Variants in CYSLTR1 observed in about 807,000 individuals in gnomAD.
The protein encoded by CYSLTR1 is G-protein coupled receptor HG55.
CYSLTR1 carries 1 observed loss-of-function variant against 2.1 expected under a neutral mutation model. That is an observed-to-expected ratio of 0.48 (90% CI 0.17 to 2.28). The LOEUF is 2.28. CYSLTR1 is among the 30% of genes most tolerant of loss of function. The probability of loss-of-function intolerance (pLI) is 0.26; values close to 1 mark genes in which losing one functional copy is unlikely to be tolerated. For synonymous variants in CYSLTR1, 110 were observed against 89.6 expected (o/e 1.23, Z -1.28); for missense variants, 299 against 250.1 (o/e 1.20, Z -1.32).
chrX:78,273,292 A>C lies in CYSLTR1; in HGVS notation c.455T>G (p.Ile152Ser). Residue 152 changes from isoleucine (I) to serine (S), a missense_variant, in exon 3 of 3, where the codon ATT (isoleucine) becomes AGT (serine). Ile to Ser is a moderately radical substitution (Grantham distance 142). Coordinates refer to ENST00000373304, the MANE Select transcript of CYSLTR1 (RefSeq NM_006639.4). ...FVCVGIWIFV[I>S]LTSSPFLMAK... ...CATTAGAAATGGAGAACTGGTCAAA[A>C]TCACAAAAATCCAAATACCTACACA... 8.3e-7 allele frequency: 1 copy of C among 1,210,161 alleles called. No individual in the cohort carries two copies. The highest frequency in any genetic ancestry group is 1.1e-6 in the Non-Finnish European group (1 of 894,530).
intron 1 of CYSLTR1, among the ~76,000 whole-genome samples, chrX:78,302,727 G>A (rs1922870526): frequency 9.0e-6 from 1 of 110,893 alleles, no homozygotes; most frequent in Non-Finnish European, 1.9e-5. Context: ...ACTGGGATCT[G>A]GAAAAGGGCC....
intron 1 of CYSLTR1, among the ~76,000 whole-genome samples, chrX:78,294,770 C>T (rs768053015): frequency 3.5e-5 from 4 of 112,782 alleles, no homozygotes; most frequent in Non-Finnish European, 7.5e-5. Flanking sequence ...GCTCTGTGTG[C>T]GTGTGACCTG....
At chrX:78,322,703 C>T (rs1240095384) in intron 1 of CYSLTR1, among the ~76,000 whole-genome samples, 4 of 112,107 alleles carry the variant, frequency 3.6e-5, no homozygotes, top group Non-Finnish European at 7.5e-5. Context: ...CAGGGATGTG[C>T]TGCTCACAGG....
At chrX:78,316,977 A>C (rs1425597685) in intron 1 of CYSLTR1, among the ~76,000 whole-genome samples, 1 of 112,272 alleles carries the variant, frequency 8.9e-6, no homozygotes, top group African/African-American at 3.2e-5. Flanking sequence ...AACAACAATA[A>C]ATAGATGAGA....
chrX:78,287,402 C>T (rs1028154607), intron 1 of CYSLTR1, among the ~76,000 whole-genome samples: 1 of 111,554 alleles, frequency 9.0e-6, no homozygotes, highest in Non-Finnish European at 1.9e-5. Flanking sequence ...CCTGAATCCA[C>T]ACGTGGGAGC....
chrX:78,278,183 T>C (rs1296191317), intron 2 of CYSLTR1, among the ~76,000 whole-genome samples: 1 of 111,332 alleles, frequency 9.0e-6, no homozygotes, highest in Non-Finnish European at 1.9e-5. Flanking sequence ...ATCTCAGAGC[T>C]CAAAGATCAG....
chrX:78,275,404 A>G (rs1253542959), intron 2 of CYSLTR1, among the ~76,000 whole-genome samples: 1 of 111,986 alleles, frequency 8.9e-6, no homozygotes, highest in Non-Finnish European at 1.9e-5. Context: ...CAGCCATAAA[A>G]AATGATGAGT....
chrX:78,305,007 T>C (rs1603411370), intron 1 of CYSLTR1, among the ~76,000 whole-genome samples: 1 of 111,665 alleles, frequency 9.0e-6, no homozygotes, highest in South Asian at 3.7e-4. Context: ...AGGAGAAATA[T>C]CAGCCCGACC....
intron 1 of CYSLTR1, among the ~76,000 whole-genome samples, chrX:78,289,244 G>A (rs763800270): frequency 1.8e-5 from 2 of 110,934 alleles, no homozygotes; most frequent in Non-Finnish European, 3.8e-5. Flanking sequence ...ATAGTTTGCT[G>A]AGAATGAGGG....
At chrX:78,318,391 G>A (rs372762389) in intron 1 of CYSLTR1, among the ~76,000 whole-genome samples, 10 of 111,832 alleles carry the variant, frequency 8.9e-5, no homozygotes, top group South Asian at 3.7e-4. Context: ...ATTGGAGGGC[G>A]GAGGATGGGA....
intron 1 of CYSLTR1, among the ~76,000 whole-genome samples, chrX:78,311,183 C>A (rs1387564230): frequency 9.0e-6 from 1 of 110,870 alleles, no homozygotes; most frequent in Non-Finnish European, 1.9e-5. Flanking sequence ...AAGAAATGGG[C>A]TGCAGTAGGG....
intron 2 of CYSLTR1, among the ~76,000 whole-genome samples, chrX:78,278,247 A>G (rs761593991): frequency 1.8e-5 from 2 of 111,914 alleles, no homozygotes; most frequent in Non-Finnish European, 3.8e-5. Context: ...AAGAAAGAAC[A>G]AAACCTCCAA....
chrX:78,313,519 T>C (rs1017763547), intron 1 of CYSLTR1, among the ~76,000 whole-genome samples: 2 of 111,416 alleles, frequency 1.8e-5, no homozygotes, highest in African/African-American at 6.5e-5. Flanking sequence ...ACCAAAATAA[T>C]AGCTAAAAGT....
At chrX:78,303,076 A>G (rs1269476210) in intron 1 of CYSLTR1, among the ~76,000 whole-genome samples, 1 of 111,247 alleles carries the variant, frequency 9.0e-6, no homozygotes, top group African/African-American at 3.3e-5. Context: ...CAGCATCAAG[A>G]CTTGTGGGAA....
At chrX:78,288,656 C>T (rs1922175946) in intron 1 of CYSLTR1, among the ~76,000 whole-genome samples, 3 of 111,946 alleles carry the variant, frequency 2.7e-5, no homozygotes, top group African/African-American at 9.7e-5. Context: ...ATAATAATCA[C>T]ATCATGAAGA....
chrX:78,313,719 G>T (rs1431032822), intron 1 of CYSLTR1, among the ~76,000 whole-genome samples: 4 of 111,274 alleles, frequency 3.6e-5, no homozygotes, highest in Non-Finnish European at 7.5e-5. Context: ...CTGGACGTGG[G>T]CATGGAATGA....
At chrX:78,294,896 C>G (rs1922510544) in intron 1 of CYSLTR1, among the ~76,000 whole-genome samples, 1 of 112,771 alleles carries the variant, frequency 8.9e-6, no homozygotes, top group South Asian at 3.6e-4. Flanking sequence ...CACAGCTTCC[C>G]TTGGCTAGGA....
chrX:78,298,506 T>C (rs1219083984), intron 1 of CYSLTR1, among the ~76,000 whole-genome samples: 1 of 111,603 alleles, frequency 9.0e-6, no homozygotes, highest in Non-Finnish European at 1.9e-5. Flanking sequence ...CTGGGGCCTA[T>C]GTCTCTCTTT....
Position 78,272,099 on chromosome X carries a change from A to ATTTC in CYSLTR1, c.*630_*633dup, listed in dbSNP as rs1425547571. ...TGGAGACAAACTGGCTTTTGACCAGATTTCTCCTGTTGCCATATTGAACAT... is the reference window on the plus strand; with the variant it reads ...TGGAGACAAACTGGCTTTTGACCAGATTTCTTTCTCCTGTTGCCATATTGAACAT... On this transcript the variant is annotated 3_prime_UTR_variant, in exon 3 of 3. Coordinates refer to ENST00000373304, the MANE Select transcript of CYSLTR1 (RefSeq NM_006639.4). 4.5e-5 allele frequency: 5 copies of ATTTC among 111,616 alleles called. No homozygotes were observed. Among genetic ancestry groups the ATTTC allele is most frequent in the African/African-American group, 1.6e-4 (5 of 30,738 alleles). The allele number at this position is 111,616 out of a possible 1,213,427, so 9.2% of individuals were successfully genotyped here.
Sources: gnomAD v4.1 joint callset for allele counts (sites outside exome capture counted in the v4.1 genomes callset) on GRCh38, gnomAD v4.1.1 for gene constraint, MANE v1.5 for transcripts, NCBI Gene and HGNC (gene_info 2026-07-23, HGNC 2026-07-21) for gene names.